The following CFAP43 variants were observed in gnomAD, a reference collection of about 807,000 sequenced individuals.
The protein encoded by CFAP43 is cilia and flagella associated protein 43.
Under a neutral mutation model 218.9 loss-of-function variants are expected in CFAP43, and 155 were observed. The ratio of observed to expected loss-of-function variants is 0.71; its 90% confidence interval spans 0.62 to 0.81. The LOEUF (loss-of-function observed/expected upper bound fraction) is 0.81, where lower values mean the gene tolerates loss of function less well. CFAP43 is among the 30% of genes least tolerant of loss of function. The pLI is 0.00. For missense variants in CFAP43, 1,778 were observed against 1,954.3 expected (o/e 0.91, Z 1.70); for synonymous variants, 645 against 681.3 (o/e 0.95, Z 0.83).
At chr10:104,208,903 C>T (rs959682854) in intron 5 of CFAP43, among the ~76,000 whole-genome samples, 6 of 152,108 alleles carry the variant, frequency 3.9e-5, no homozygotes, top group Non-Finnish European at 8.8e-5. Context: ...CCCCATGCTA[C>T]GACTTAAAAC....
intron 6 of CFAP43, among the ~76,000 whole-genome samples, chr10:104,206,774 G>A (rs981142331): frequency 3.3e-5 from 5 of 152,198 alleles, no homozygotes; most frequent in African/African-American, 1.2e-4. Flanking sequence ...CTCAATGAGT[G>A]GACAGTGGCT....
intron 23 of CFAP43, among the ~76,000 whole-genome samples, chr10:104,165,189 C>G (rs75223175): frequency 0.12 from 18,838 of 152,196 alleles, 1,293 homozygotes; most frequent in Middle Eastern, 0.2. Flanking sequence ...GCCAGTGGGA[C>G]CAACTGGATT....
At chr10:104,230,235 G>C (rs891204817) in intron 2 of CFAP43, among the ~76,000 whole-genome samples, 4 of 152,194 alleles carry the variant, frequency 2.6e-5, no homozygotes, top group African/African-American at 9.6e-5. Context: ...GGGAGGGTGA[G>C]GCAGGCGGAT....
rs1589714824 is a variant in CFAP43 at position 104,179,167 on chromosome 10, G to C, written c.2383-61C>G. 4 of 1,371,076 alleles carry C rather than the reference G, an allele frequency of 2.9e-6. No individual in the cohort carries two copies. In the East Asian group the frequency reaches 6.9e-5, roughly 24 times the overall value. The allele number at this position is 1,371,076 out of a possible 1,614,324, so 84.9% of individuals were successfully genotyped here. On this transcript the variant is annotated intron_variant, in intron 18 of 37. Coordinates refer to ENST00000357060, the MANE Select transcript of CFAP43 (RefSeq NM_025145.7). Reference sequence around the variant, plus strand: ...GAGAAATATCAGACAGAGAGAGAGAGAGAGAGAGAGAGAGCAATTCTCTAG... The same window carrying C: ...GAGAAATATCAGACAGAGAGAGAGACAGAGAGAGAGAGAGCAATTCTCTAG...
chr10:104,166,937 G>T (rs2089186476), intron 22 of CFAP43, among the ~76,000 whole-genome samples: 2 of 152,326 alleles, frequency 1.3e-5, no homozygotes, highest in African/African-American at 4.8e-5. Flanking sequence ...AATAAAAATT[G>T]TCCTGGATGG....
In CFAP43 at chr10:104,147,890, C is replaced by G; in HGVS notation, c.3768+1G>C. 6.3e-7 allele frequency: 1 copy of G among 1,578,982 alleles called. No homozygotes were observed. The highest frequency in any genetic ancestry group is 1.2e-5 in the South Asian group (1 of 86,050). ...ATTCAGATTTCAGACACTATTCTTA[C>G]TTTCTCGTGCTGTTTCCTTGTAAGG... On this transcript the variant is annotated splice_donor_variant, in intron 29 of 37. Coordinates refer to ENST00000357060, the MANE Select transcript of CFAP43 (RefSeq NM_025145.7). LOFTEE classifies it high-confidence loss of function.
intron 19 of CFAP43, among the ~76,000 whole-genome samples, chr10:104,174,654 A>G (rs1419312771): frequency 6.6e-6 from 1 of 152,250 alleles, no homozygotes; most frequent in Non-Finnish European, 1.5e-5. Flanking sequence ...AGAAATTTAA[A>G]GTCACTTTCA....
At chr10:104,220,114 G>A (rs965948313) in intron 3 of CFAP43, among the ~76,000 whole-genome samples, 2 of 152,188 alleles carry the variant, frequency 1.3e-5, no homozygotes, top group Non-Finnish European at 1.5e-5. Context: ...ACACACACAG[G>A]GAGAATGCCA....
At chr10:104,191,797 GGGA>G (rs2090233719) in intron 12 of CFAP43, among the ~76,000 whole-genome samples, 2 of 138,436 alleles carry the variant, frequency 1.4e-5, no homozygotes, top group South Asian at 4.7e-4. Flanking sequence ...TGTGGGGGGG[GGGA>G]AACACATATA....
chr10:104,211,407 T>TTGAA (rs1202189091), intron 5 of CFAP43, among the ~76,000 whole-genome samples: 3 of 152,146 alleles, frequency 2.0e-5, no homozygotes, highest in Admixed American at 6.5e-5. Flanking sequence ...TAAATCTCTG[T>TTGAA]TGAATGAATG....
At chr10:104,180,751 C>T (rs370516366) in intron 17 of CFAP43, among the ~76,000 whole-genome samples, 81 of 152,150 alleles carry the variant, frequency 5.3e-4, no homozygotes, top group African/African-American at 2.0e-3. Context: ...CCCCGCCGGC[C>T]CACCACCCTG....
chr10:104,229,358 G>A (rs190871663), intron 2 of CFAP43, among the ~76,000 whole-genome samples: 200 of 152,158 alleles, frequency 1.3e-3, no homozygotes, highest in African/African-American at 4.6e-3. Context: ...CTGTATCTAA[G>A]AAAGAGTCAT....
intron 13 of CFAP43, 24 bp downstream of exon 13, chr10:104,188,246 A>G (rs373920773): frequency 7.4e-6 from 12 of 1,612,250 alleles, no homozygotes; most frequent in Admixed American, 5.0e-5. Context: ...CAGGAGCAGA[A>G]CTGGCTGCTT....
chr10:104,161,979 C>T lies in CFAP43; in HGVS notation c.3396G>A (p.Lys1132=). ...DMMGGVLEVK[K]EDILRMVIPQ... is the part of the protein sequence containing the mutation. ...ATATCACCATTCTCAAAATATCTTC[C>T]TTCTTGACTTCCAGAACTCCTCCCA... is the stretch of plus-strand genomic sequence containing the variant. Residue 1132 remains lysine (K), a synonymous_variant, in exon 26 of 38, where the codon AAG becomes AAA. Coordinates refer to ENST00000357060, the MANE Select transcript of CFAP43 (RefSeq NM_025145.7). 6.2e-7 allele frequency: 1 copy of T among 1,613,594 alleles called. No individual in the cohort carries two copies. The highest frequency in any genetic ancestry group is 8.5e-7 in the Non-Finnish European group (1 of 1,179,842).
At chr10:104,133,233 C>A (rs549584389) in intron 35 of CFAP43, among the ~76,000 whole-genome samples, 1 of 152,128 alleles carries the variant, frequency 6.6e-6, no homozygotes, top group South Asian at 2.1e-4. Context: ...TCTTGAAGAA[C>A]GGCTATATTG....
At chr10:104,211,038 G>A (rs574681689) in intron 5 of CFAP43, among the ~76,000 whole-genome samples, 7 of 151,930 alleles carry the variant, frequency 4.6e-5, no homozygotes, top group Middle Eastern at 3.4e-3. Context: ...TGATCCACCC[G>A]TCTCGGCCTC....
At chr10:104,146,485 A>T (rs1229706010) in intron 29 of CFAP43, 136 bp from the exon 30 acceptor site, 2 of 646,490 alleles carry the variant, frequency 3.1e-6, no homozygotes, top group Non-Finnish European at 5.3e-6. Flanking sequence ...TCATGAAGAT[A>T]AGATTTATAG....
At chr10:104,205,247 A>G (rs1177903033) in intron 7 of CFAP43, among the ~76,000 whole-genome samples, 1 of 151,500 alleles carries the variant, frequency 6.6e-6, no homozygotes, top group Non-Finnish European at 1.5e-5. Flanking sequence ...AAAAGAAAAG[A>G]AAAAGAAAAA....
At chr10:104,205,212 CAAA>C (rs71022723) in intron 7 of CFAP43, among the ~76,000 whole-genome samples, 18 of 56,552 alleles carry the variant, frequency 3.2e-4, no homozygotes, top group African/African-American at 8.1e-4. Context: ...GACTCCGTCT[CAAA>C]AAAAAAAAAA....
Sources: allele counts gnomAD v4.1 joint callset (sites outside exome capture counted in the v4.1 genomes callset), GRCh38; gene constraint gnomAD v4.1.1; transcripts MANE v1.5; gene names NCBI Gene and HGNC (gene_info 2026-07-23, HGNC 2026-07-21).